The following GRM7 variants were observed in gnomAD, a reference collection of about 807,000 sequenced individuals.
GRM7 encodes glutamate metabotropic receptor 7.
In GRM7, 35 loss-of-function variants were observed where a neutral mutation model predicts 84.5. The observed-to-expected ratio is 0.41, with a 90% confidence interval of 0.32 to 0.55. The LOEUF (loss-of-function observed/expected upper bound fraction) is 0.55, where lower values mean the gene tolerates loss of function less well. GRM7 is among the 20% of genes least tolerant of loss of function. The pLI, the probability that GRM7 is intolerant of heterozygous loss-of-function variation, is 0.19. For missense variants in GRM7, 1,003 were observed against 1,194.6 expected (o/e 0.84, Z 2.36); for synonymous variants, 487 against 455.1 (o/e 1.07, Z -0.89).
chr3:7,548,044 T>C (rs535480754), intron 7 of GRM7, among the ~76,000 whole-genome samples: 97 of 152,324 alleles, frequency 6.4e-4, no homozygotes, highest in African/African-American at 2.3e-3. Flanking sequence ...TCTTGAACAG[T>C]TGGCCAACAC....
chr3:7,683,089 T>C (rs773146951), intron 9 of GRM7, among the ~76,000 whole-genome samples: 1 of 152,224 alleles, frequency 6.6e-6, no homozygotes, highest in Non-Finnish European at 1.5e-5. Context: ...GAAATTCCAA[T>C]GCAGGAACTA....
intron 7 of GRM7, among the ~76,000 whole-genome samples, chr3:7,577,395 G>T (rs1473396472): frequency 6.6e-6 from 1 of 152,140 alleles, no homozygotes; most frequent in Non-Finnish European, 1.5e-5. Flanking sequence ...AATTGGTTAG[G>T]CCTAGGTCAT....
At chr3:7,680,426 T>G in intron 9 of GRM7, 131 bp downstream of exon 9, 2 of 808,710 alleles carry the variant, frequency 2.5e-6, no homozygotes, top group Non-Finnish European at 4.0e-6. Flanking sequence ...CCTTGGTGAA[T>G]GCCAGCTTCT....
At chr3:7,485,135 A>G (rs766014278) in intron 7 of GRM7, among the ~76,000 whole-genome samples, 2 of 152,182 alleles carry the variant, frequency 1.3e-5, no homozygotes, top group Non-Finnish European at 2.9e-5. Flanking sequence ...CACCTTGACT[A>G]TAACCATAAA....
chr3:7,635,156 C>T (rs1001391065), intron 8 of GRM7, among the ~76,000 whole-genome samples: 7 of 152,302 alleles, frequency 4.6e-5, no homozygotes, highest in African/African-American at 9.6e-5. Flanking sequence ...CAGCAACATG[C>T]GGCTAATGGC....
rs565066759 is a variant in GRM7, at chr3:7,450,076, A to C, written c.1175-2531A>C. 2.0e-5 allele frequency among the ~76,000 whole-genome samples: 3 copies of C among 151,522 alleles called. No individual in the cohort carries two copies. In the South Asian group the frequency reaches 6.3e-4, roughly 32 times the overall value. ...TAATCTCAAAGAGTTAATATATCTAATTAAATTTAAAAAGAGAAGAGAATG... is the reference window on the plus strand; with the variant it reads ...TAATCTCAAAGAGTTAATATATCTACTTAAATTTAAAAAGAGAAGAGAATG... On this transcript the variant is annotated intron_variant, in intron 5 of 9. Transcript: ENST00000357716.
At chr3:7,375,377 C>G (rs184569926) in intron 4 of GRM7, among the ~76,000 whole-genome samples, 254 of 152,118 alleles carry the variant, frequency 1.7e-3, no homozygotes, top group African/African-American at 5.7e-3. Context: ...CGCTTCCATG[C>G]CCCGCTAATT....
chr3:7,670,725 C>T (rs796415542), intron 8 of GRM7, among the ~76,000 whole-genome samples: 1 of 152,196 alleles, frequency 6.6e-6, no homozygotes, highest in South Asian at 2.1e-4. Context: ...CAGATTAATT[C>T]TTTAAACTAC....
At chr3:7,391,835 C>A (rs932207637) in intron 4 of GRM7, among the ~76,000 whole-genome samples, 1 of 151,954 alleles carries the variant, frequency 6.6e-6, no homozygotes, top group African/African-American at 2.4e-5. Context: ...TGCCCTCCCC[C>A]AGAGCATGTT....
At chr3:7,057,592 T>C (rs1055906775) in intron 1 of GRM7, among the ~76,000 whole-genome samples, 17 of 151,938 alleles carry the variant, frequency 1.1e-4, no homozygotes, top group South Asian at 8.3e-4. Flanking sequence ...GTTTAAAAAA[T>C]AAAAAAAATC....
intron 9 of GRM7, among the ~76,000 whole-genome samples, chr3:7,728,816 A>C (rs1057196931): frequency 1.3e-5 from 2 of 152,250 alleles, no homozygotes; most frequent in Admixed American, 6.5e-5. Context: ...CTGGTCTGCC[A>C]CACCACATGG....
chr3:7,078,813 C>T (rs537463265), intron 1 of GRM7, among the ~76,000 whole-genome samples: 1 of 150,194 alleles, frequency 6.7e-6, no homozygotes, highest in Non-Finnish European at 1.5e-5. Context: ...AGGCTTCTCT[C>T]CTATTGGCAT....
At chr3:7,304,433 C>T (rs1037819063) in intron 3 of GRM7, among the ~76,000 whole-genome samples, 6 of 146,510 alleles carry the variant, frequency 4.1e-5, no homozygotes, top group African/African-American at 1.0e-4. Context: ...TCTTATATTT[C>T]GTGATGTGCT....
chr3:6,936,695 A>G (rs1559338745), intron 1 of GRM7, among the ~76,000 whole-genome samples: 1 of 152,212 alleles, frequency 6.6e-6, no homozygotes, highest in African/African-American at 2.4e-5. Flanking sequence ...TTTAATGTTT[A>G]AAAGAATCAC....
At chr3:7,192,865 A>G (rs1003667338) in intron 2 of GRM7, among the ~76,000 whole-genome samples, 2 of 152,126 alleles carry the variant, frequency 1.3e-5, no homozygotes, top group Admixed American at 6.6e-5. Flanking sequence ...CTAACCCTGC[A>G]ATGAGATGTC....
At chr3:7,664,415 A>G (rs1270698426) in intron 8 of GRM7, among the ~76,000 whole-genome samples, 3 of 152,196 alleles carry the variant, frequency 2.0e-5, no homozygotes, top group Admixed American at 2.0e-4. Flanking sequence ...ATGTCGGTAA[A>G]GGGGTCAGAC....
intron 1 of GRM7, among the ~76,000 whole-genome samples, chr3:7,055,918 T>G (rs1697202611): frequency 6.6e-6 from 1 of 151,942 alleles, no homozygotes; most frequent in Non-Finnish European, 1.5e-5. Flanking sequence ...GTGTCAGGTT[T>G]GAATCAACCT....
chr3:7,563,230 GTTATAT>G (rs1478832748), intron 7 of GRM7, among the ~76,000 whole-genome samples: 1 of 152,074 alleles, frequency 6.6e-6, no homozygotes, highest in Non-Finnish European at 1.5e-5. Flanking sequence ...TGTACAGTTT[GTTATAT>G]TTAAAGCTAG....
chr3:7,402,538 A>C (rs1695495522), intron 4 of GRM7, among the ~76,000 whole-genome samples: 1 of 152,134 alleles, frequency 6.6e-6, no homozygotes. Context: ...TGCACATATG[A>C]TGTCTTAATA....
Sources: gnomAD v4.1 joint callset for allele counts (sites outside exome capture counted in the v4.1 genomes callset) on GRCh38, gnomAD v4.1.1 for gene constraint, MANE v1.5 for transcripts, NCBI Gene and HGNC (gene_info 2026-07-23, HGNC 2026-07-21) for gene names.